Variants in DLGAP2 observed in about 807,000 individuals in gnomAD.
The protein encoded by DLGAP2 is DLG associated protein 2.
A neutral mutation model predicts 100.3 loss-of-function variants in DLGAP2; 26 were observed. The observed-to-expected ratio is 0.26, with a 90% CI of 0.19 to 0.36. The LOEUF is 0.36. Among genes scored for constraint, DLGAP2 ranks in the 10% least tolerant of loss-of-function variants. The probability of loss-of-function intolerance (pLI) is 1.00; values close to 1 mark genes in which losing one functional copy is unlikely to be tolerated. For synonymous variants in DLGAP2, 886 were observed against 630.1 expected (o/e 1.41, Z -6.08); for missense variants, 1,858 against 1,453.2 (o/e 1.28, Z -4.53).
rs899432702 is a variant in DLGAP2 at position 1,227,159 on chromosome 8, T to G, written c.74-31692T>G. Among the ~76,000 whole-genome samples, 94 of 134,498 alleles carry G rather than the reference T, an allele frequency of 7.0e-4. 9 individuals are homozygous for G. The highest frequency in any genetic ancestry group is 2.6e-3 in the African/African-American group (88 of 33,654). 88.2% of individuals were successfully genotyped at this position (134,498 alleles called of 152,430 possible). A position where few individuals can be genotyped will look rare whatever the true frequency, so the allele number is the denominator to read the frequency against. On this transcript the variant is annotated intron_variant, in intron 2 of 14. Transcript: ENST00000637795. ...ATGGGTAAGGAAACTGTGAGATATATATATATATATATATAGTATAGATAT... is the reference window on the plus strand; with the variant it reads ...ATGGGTAAGGAAACTGTGAGATATAGATATATATATATATAGTATAGATAT...
At chr8:1,254,517 T>G (rs1799126849) in intron 2 of DLGAP2, among the ~76,000 whole-genome samples, 1 of 152,158 alleles carries the variant, frequency 6.6e-6, no homozygotes, top group Non-Finnish European at 1.5e-5. Flanking sequence ...TCTCATGAAC[T>G]TACCGTGGGG....
chr8:797,507 G>A (rs779383229), intron 1 of DLGAP2, among the ~76,000 whole-genome samples: 1 of 152,222 alleles, frequency 6.6e-6, no homozygotes, highest in Non-Finnish European at 1.5e-5. Context: ...AGGCTGCTAT[G>A]ACTATTTCTG....
At chr8:1,658,167 C>T (rs1426275284) in intron 8 of DLGAP2, among the ~76,000 whole-genome samples, 2 of 152,112 alleles carry the variant, frequency 1.3e-5, no homozygotes, top group African/African-American at 2.4e-5. Context: ...GCTCCACCCT[C>T]CACCTGGCTG....
intron 1 of DLGAP2, among the ~76,000 whole-genome samples, chr8:753,295 T>A (rs1820839241): frequency 6.6e-6 from 1 of 152,148 alleles, no homozygotes; most frequent in Non-Finnish European, 1.5e-5. Context: ...GGCTCACCAG[T>A]GCCGGGAGGT....
chr8:1,497,561 C>A (rs138905181), intron 3 of DLGAP2, among the ~76,000 whole-genome samples: 50 of 152,312 alleles, frequency 3.3e-4, no homozygotes, highest in African/African-American at 1.2e-3. Context: ...AGGAGGATTT[C>A]CTTGTCTCTT....
intron 2 of DLGAP2, among the ~76,000 whole-genome samples, chr8:979,478 T>TA (rs771029564): frequency 7.2e-5 from 11 of 152,214 alleles, no homozygotes; most frequent in Admixed American, 1.3e-4. Flanking sequence ...CCCTGACCTG[T>TA]AACTGGAGAG....
chr8:1,027,871 G>A (rs1317800169), intron 2 of DLGAP2, among the ~76,000 whole-genome samples: 3 of 126,782 alleles, frequency 2.4e-5, no homozygotes, highest in South Asian at 3.0e-4. Context: ...TCAGGCGCCC[G>A]TTATTCTCCA....
intron 1 of DLGAP2, among the ~76,000 whole-genome samples, chr8:789,978 G>T (rs150303131): frequency 1.3e-5 from 2 of 152,338 alleles, no homozygotes; most frequent in African/African-American, 4.8e-5. Flanking sequence ...AAAGTGGGGA[G>T]ATGATGCCGC....
intron 6 of DLGAP2, among the ~76,000 whole-genome samples, chr8:1,582,132 G>C (rs1465300882): frequency 7.2e-6 from 1 of 139,814 alleles, no homozygotes; most frequent in African/African-American, 2.7e-5. Context: ...GAAGGATACA[G>C]ATAAAACCCC....
intron 3 of DLGAP2, among the ~76,000 whole-genome samples, chr8:1,425,394 C>T (rs1797210326): frequency 6.6e-6 from 1 of 152,180 alleles, no homozygotes; most frequent in African/African-American, 2.4e-5. Flanking sequence ...ACAACATTAG[C>T]TTTGCTACTC....
chr8:1,447,482 G>T (rs561673053), intron 3 of DLGAP2, among the ~76,000 whole-genome samples: 18 of 152,262 alleles, frequency 1.2e-4, no homozygotes, highest in African/African-American at 2.6e-4. Flanking sequence ...GCTGGATTCG[G>T]TTTGCCAGTA....
intron 3 of DLGAP2, among the ~76,000 whole-genome samples, chr8:1,440,064 G>C (rs1455953086): frequency 6.6e-6 from 1 of 152,098 alleles, no homozygotes; most frequent in Admixed American, 6.5e-5. Flanking sequence ...CTCAACCTCT[G>C]AGCTCAGCTA....
At chr8:1,276,028 AAT>A (rs1018951709) in intron 3 of DLGAP2, among the ~76,000 whole-genome samples, 74 of 137,122 alleles carry the variant, frequency 5.4e-4, no homozygotes, top group Admixed American at 4.9e-4. Context: ...TATATAAATA[AAT>A]ATATAACGTA....
chr8:1,316,670 C>CAGCTTTT (rs1800758869), intron 3 of DLGAP2, among the ~76,000 whole-genome samples: 1 of 140,648 alleles, frequency 7.1e-6, no homozygotes, highest in African/African-American at 2.8e-5. Context: ...AGACACTTGG[C>CAGCTTTT]AGCTTTTAAA....
At chr8:1,229,173 C>A (rs1045824129) in intron 2 of DLGAP2, among the ~76,000 whole-genome samples, 3 of 151,904 alleles carry the variant, frequency 2.0e-5, no homozygotes, top group East Asian at 1.9e-4. Flanking sequence ...AACTTATACT[C>A]TGAAAACTAT....
chr8:1,075,641 C>G (rs966359781), intron 2 of DLGAP2, among the ~76,000 whole-genome samples: 1 of 152,140 alleles, frequency 6.6e-6, no homozygotes, highest in Non-Finnish European at 1.5e-5. Context: ...TCCTTGATGA[C>G]CACTTGAACT....
intron 2 of DLGAP2, among the ~76,000 whole-genome samples, chr8:978,813 G>C (rs752538158): frequency 6.6e-5 from 10 of 152,156 alleles, no homozygotes; most frequent in Non-Finnish European, 1.0e-4. Context: ...CTTACCTTTT[G>C]ATAAGCTTGA....
intron 2 of DLGAP2, among the ~76,000 whole-genome samples, chr8:1,105,878 T>G (rs944771588): frequency 6.7e-6 from 1 of 150,156 alleles, no homozygotes. Context: ...AGGAGGGTTT[T>G]CTATTGAAGG....
At chr8:879,880 T>C (rs1404970426) in intron 1 of DLGAP2, among the ~76,000 whole-genome samples, 1 of 152,200 alleles carries the variant, frequency 6.6e-6, no homozygotes, top group African/African-American at 2.4e-5. Context: ...CTCCATGTCA[T>C]TGTCAAGCAC....
Sources: allele counts gnomAD v4.1 joint callset (sites outside exome capture counted in the v4.1 genomes callset), GRCh38; gene constraint gnomAD v4.1.1; transcripts MANE v1.5; gene names NCBI Gene and HGNC (gene_info 2026-07-23, HGNC 2026-07-21).